Variants in MAP3K4 observed in about 807,000 individuals in gnomAD.
MAP3K4 encodes MAP three kinase 1.
MAP3K4 carries 67 observed loss-of-function variants against 185.6 expected under a neutral mutation model. The observed-to-expected ratio is 0.36, with a 90% CI of 0.30 to 0.44. MAP3K4 has a LOEUF of 0.44. Among genes scored for constraint, MAP3K4 ranks in the 20% least tolerant of loss-of-function variants. MAP3K4 has a pLI of 1.00. For missense variants in MAP3K4, 1,551 were observed against 1,995.1 expected, an observed-to-expected ratio of 0.78 and a Z score of 4.24; for synonymous variants, 702 against 710.4, an observed-to-expected ratio of 0.99 and a Z score of 0.19.
intron 2 of MAP3K4, among the ~76,000 whole-genome samples, chr6:161,038,383 A>G (rs749169189): frequency 1.4e-4 from 21 of 152,188 alleles, no homozygotes; most frequent in Admixed American, 5.9e-4. Flanking sequence ...ATAATAATAT[A>G]TTGGCCCCCT....
At position 161,084,032 on chromosome 6, in the gene MAP3K4, A is replaced by C. The variant is rs1785582493; in HGVS notation, c.2256-469A>C. ...TATATACTGGGGTGTACATTTTAACACTAGTATTTAGAATTGTGTACTCAA... is the reference window on the plus strand; with the variant it reads ...TATATACTGGGGTGTACATTTTAACCCTAGTATTTAGAATTGTGTACTCAA... On this transcript the variant is annotated intron_variant, in intron 6 of 26. Transcript: ENST00000392142. The surrounding 1 kb of genome is among the most constrained non-coding windows in gnomAD (Gnocchi z 4.6). 6.6e-6 allele frequency among the ~76,000 whole-genome samples: 1 copy of C among 152,234 alleles called. No individual in the cohort carries two copies. Among genetic ancestry groups the C allele is most frequent in the African/African-American group, 2.4e-5 (1 of 41,464 alleles).
intron 1 of MAP3K4, among the ~76,000 whole-genome samples, chr6:161,032,578 C>T (rs1397826348): frequency 6.6e-6 from 1 of 152,180 alleles, no homozygotes; most frequent in Non-Finnish European, 1.5e-5. Flanking sequence ...ACCACCAAGG[C>T]TATGCTGCTT....
chr6:161,073,499 G>A lies in MAP3K4; in HGVS notation c.1984G>A (p.Gly662Ser), dbSNP rs1385451306. Reference protein sequence around the residue: ...VRECKEVLKGGLLMKQYYQFM... With the variant: ...VRECKEVLKGSLLMKQYYQFM... ...AGAGTGTAAGGAGGTCCTGAAGGGC[G>A]GCCTGCTGATGAAGCAGTACTACCA... The change falls in exon 5 of 27, where the codon GGC (glycine) becomes AGC (serine). Residue 662 changes from glycine (G) to serine (S), a missense_variant. Physicochemically the swap from Gly to Ser is moderately conservative, Grantham distance 56 (BLOSUM62 0). Around this residue, in one of 16 missense-constraint regions of MAP3K4, gnomAD observed 27 missense variants for 64.4 expected, o/e 0.42. Transcript: ENST00000392142. The surrounding 1 kb of genome is among the most constrained non-coding windows in gnomAD (Gnocchi z 4.2). 3 of 1,612,528 alleles carry A rather than the reference G, an allele frequency of 1.9e-6. No individual in the cohort carries two copies. The highest frequency in any genetic ancestry group is 2.2e-5 in the East Asian group (1 of 44,758).
Position 161,070,781 on chromosome 6 carries a change from AC to A in MAP3K4, c.1882del (p.His628MetfsTer4). 1 of 1,614,114 alleles carries A rather than the reference AC, an allele frequency of 6.2e-7. No homozygotes were observed. Among genetic ancestry groups the A allele is most frequent in the Non-Finnish European group, 8.5e-7 (1 of 1,180,000 alleles). ...VLCRVLLNVI[H>X]ECLKLRLEQR... ...TCTGCCGAGTCCTTCTGAATGTCAT[AC>A]ATGAGTGTCTGAAGTTAAGATTGGA... On this transcript the variant is annotated frameshift_variant, in exon 4 of 27. Transcript: ENST00000392142. LOFTEE classifies it high-confidence loss of function. The surrounding 1 kb of genome is among the most constrained non-coding windows in gnomAD (Gnocchi z 4.5).
chr6:161,010,367 TAATA>T (rs147888968), intron 1 of MAP3K4, among the ~76,000 whole-genome samples: 92 of 152,346 alleles, frequency 6.0e-4, no homozygotes, highest in African/African-American at 2.2e-3. Context: ...AATAGTTACA[TAATA>T]AATAATCTCA....
At chr6:161,085,118 C>T (rs1785640837) in intron 7 of MAP3K4, among the ~76,000 whole-genome samples, 1 of 150,372 alleles carries the variant, frequency 6.7e-6, no homozygotes, top group African/African-American at 2.5e-5. Flanking sequence ...TGCACTCCAG[C>T]CTGGGTGACA....
chr6:161,030,454 TTTGA>T (rs1223250377), intron 1 of MAP3K4, among the ~76,000 whole-genome samples: 1 of 152,128 alleles, frequency 6.6e-6, no homozygotes, highest in Non-Finnish European at 1.5e-5. Context: ...TGTTTGTTTG[TTTGA>T]TTGAGACAGG....
chr6:160,992,028 C>T lies in MAP3K4; in HGVS notation c.97C>T (p.Pro33Ser), dbSNP rs770266097. The T allele has an allele frequency of 1.9e-6, 3 of 1,563,254 alleles. No individual in the cohort carries two copies. The highest frequency in any genetic ancestry group is 1.4e-5 in the African/African-American group (1 of 72,208). ...EEPPPPPPPPPPPPEPETESE... is the reference protein window; with the variant it reads ...EEPPPPPPPPSPPPEPETESE... ...GCCGCCGCCACCGCCGCCGCCGCCA[C>T]CACCGCCACCGGAACCCGAGACCGA... The change falls in exon 1 of 27, where the codon CCA becomes TCA. Residue 33 changes from proline (P) to serine (S), a missense_variant. Transcript: ENST00000392142.
chr6:161,019,024 G>C (rs771237012), intron 1 of MAP3K4, among the ~76,000 whole-genome samples: 1 of 152,218 alleles, frequency 6.6e-6, no homozygotes, highest in African/African-American at 2.4e-5. Flanking sequence ...GACTGGAAAA[G>C]TGTACCAGAA....
rs777258110 is a variant in MAP3K4 at position 161,086,468 on chromosome 6, T to C, written c.2462T>C (p.Met821Thr). 2 of 1,613,846 alleles carry C rather than the reference T, an allele frequency of 1.2e-6. No individual in the cohort carries two copies. Residue 821 changes from methionine (M) to threonine (T), a missense_variant, in exon 8 of 27, where the codon ATG (methionine) becomes ACG (threonine). By Grantham distance (81) the Met-to-Thr change is moderately conservative. Coordinates refer to ENST00000392142, the MANE Select transcript of MAP3K4 (RefSeq NM_005922.4). The surrounding 1 kb of genome is among the most constrained non-coding windows in gnomAD (Gnocchi z 4.8). ...TCCAAAGCACTTGGATTTGCTAAAA[T>C]GTTGAGAAAGGTGAGCTTGCAATCC... Reference protein sequence around the residue: ...RASKALGFAKMLRKDLEIAAE... With the variant: ...RASKALGFAKTLRKDLEIAAE...
At chr6:161,035,308 A>G (rs1162406982) in intron 2 of MAP3K4, among the ~76,000 whole-genome samples, 1 of 152,060 alleles carries the variant, frequency 6.6e-6, no homozygotes, top group Non-Finnish European at 1.5e-5. Flanking sequence ...TTGACCTCAC[A>G]CTCATTTCTA....
intron 6 of MAP3K4, among the ~76,000 whole-genome samples, chr6:161,081,361 C>G (rs1785448783): frequency 6.6e-6 from 1 of 152,138 alleles, no homozygotes; most frequent in Non-Finnish European, 1.5e-5. Context: ...ATTATCCACT[C>G]AGATGTCAGC....
chr6:161,098,414 G>A lies in MAP3K4; in HGVS notation c.3661G>A (p.Ala1221Thr). Reference sequence around the variant, plus strand: ...TGTGCTGCCCAAATCCATCAGCAGTGCCCATGATACCAGGTAGTCTCACCC... The same window carrying A: ...TGTGCTGCCCAAATCCATCAGCAGTACCCATGATACCAGGTAGTCTCACCC... Reference protein sequence around the residue: ...DSVLPKSISSAHDTRGSSVPE... With the variant: ...DSVLPKSISSTHDTRGSSVPE... The change falls in exon 17 of 27, where the codon GCC (alanine) becomes ACC (threonine). Residue 1221 changes from alanine (A) to threonine (T), a missense_variant. Transcript: ENST00000392142. This position sits in a 1 kb window ranked among gnomAD's most constrained non-coding sequence, Gnocchi z 4.4. The A allele has an allele frequency of 6.2e-7, 1 of 1,613,566 alleles. No individual in the cohort carries two copies. Among genetic ancestry groups the A allele is most frequent in the Non-Finnish European group, 8.5e-7 (1 of 1,179,798 alleles).
chr6:161,069,793 A>G (rs969293650), intron 3 of MAP3K4, among the ~76,000 whole-genome samples: 1 of 151,972 alleles, frequency 6.6e-6, no homozygotes. Context: ...GTGAGGAATG[A>G]TGGGGAGGGG....
At position 161,051,011 on chromosome 6, in the gene MAP3K4, T is replaced by C. The variant is rs902047576; in HGVS notation, c.1707+1032T>C. ...CATATAACCAATGCACAACCTCGTA[T>C]GCTTTAATCTCGAGATTATGTGTAA... On this transcript the variant is annotated intron_variant, in intron 3 of 26. Transcript: ENST00000392142. This position sits in a 1 kb window ranked among gnomAD's most constrained non-coding sequence, Gnocchi z 4.2. 6.6e-6 allele frequency among the ~76,000 whole-genome samples: 1 copy of C among 152,216 alleles called. No homozygotes were observed. The highest frequency in any genetic ancestry group is 2.4e-5 in the African/African-American group (1 of 41,444).
intron 1 of MAP3K4, among the ~76,000 whole-genome samples, chr6:161,006,823 C>T (rs574282833): frequency 2.0e-5 from 3 of 151,628 alleles, no homozygotes; most frequent in Non-Finnish European, 4.4e-5. Context: ...ATCAAGCATA[C>T]GCAAATGTAA....
intron 4 of MAP3K4, among the ~76,000 whole-genome samples, chr6:161,072,440 GT>G (rs1302470347): frequency 6.6e-6 from 1 of 152,144 alleles, no homozygotes; most frequent in Non-Finnish European, 1.5e-5. Flanking sequence ...GTGTGTGTGA[GT>G]TTTTTCCCTG....
chr6:161,106,367 T>C lies in MAP3K4; in HGVS notation c.3857-147T>C. 1.7e-6 allele frequency: 1 copy of C among 572,796 alleles called. No homozygotes were observed. The highest frequency in any genetic ancestry group is 3.1e-6 in the Non-Finnish European group (1 of 327,704). The allele number at this position is 572,796 out of a possible 1,614,324, so 35.5% of individuals were successfully genotyped here. ...GGAATGAGTAGCGTTTGAAGAACTT[T>C]AATTCACCTGCTGTTTATCTGAATA... On this transcript the variant is annotated intron_variant, in intron 19 of 26. Transcript: ENST00000392142. This position sits in a 1 kb window ranked among gnomAD's most constrained non-coding sequence, Gnocchi z 4.9.
Position 161,054,760 on chromosome 6 carries a change from G to A in MAP3K4, c.1707+4781G>A, listed in dbSNP as rs1435566570. Among the ~76,000 whole-genome samples the A allele has an allele frequency of 2.6e-5, 4 of 152,144 alleles. No homozygotes were observed. Among genetic ancestry groups the A allele is most frequent in the Admixed American group, 2.6e-4 (4 of 15,272 alleles). ...AATACTTATCTATAGAAACAGTGTT[G>A]TAAATAAGAGAGTCTCAGATTATCA... On this transcript the variant is annotated intron_variant, in intron 3 of 26. Coordinates refer to ENST00000392142, the MANE Select transcript of MAP3K4 (RefSeq NM_005922.4). This position sits in a 1 kb window ranked among gnomAD's most constrained non-coding sequence, Gnocchi z 4.2.
Sources: gnomAD v4.1 joint callset for allele counts (sites outside exome capture counted in the v4.1 genomes callset) on GRCh38, gnomAD v4.1.1 for gene constraint, gnomAD v4.1.1 regional missense constraint, Gnocchi (gnomAD v3.1) non-coding constraint, MANE v1.5 for transcripts, NCBI Gene and HGNC (gene_info 2026-07-23, HGNC 2026-07-21) for gene names.